The following SGCZ variants were observed in gnomAD, a reference collection of about 807,000 sequenced individuals.
SGCZ encodes zeta-sarcoglycan.
In SGCZ, 40 loss-of-function variants were observed where a neutral mutation model predicts 41.3. That is an observed-to-expected ratio of 0.97 (90% confidence interval 0.75 to 1.26). The LOEUF (loss-of-function observed/expected upper bound fraction) is 1.26, where lower values mean the gene tolerates loss of function less well. Among genes scored for constraint, SGCZ ranks in the 50% most tolerant of loss-of-function variants. The pLI is 0.00. For missense variants in SGCZ, 552 were observed against 369.8 expected (o/e 1.49, Z -4.04); for synonymous variants, 206 against 137.5 (o/e 1.50, Z -3.49).
chr8:14,356,783 A>T (rs149840535), intron 2 of SGCZ, among the ~76,000 whole-genome samples: 2 of 152,214 alleles, frequency 1.3e-5, no homozygotes, highest in African/African-American at 2.4e-5. Flanking sequence ...ATTGCAAATA[A>T]TACTAGGTAG....
intron 2 of SGCZ, among the ~76,000 whole-genome samples, chr8:14,403,273 C>A (rs1008200299): frequency 2.0e-5 from 3 of 150,212 alleles, no homozygotes; most frequent in Non-Finnish European, 2.9e-5. Context: ...TAATTGAATA[C>A]CCTTTATTTC....
intron 2 of SGCZ, among the ~76,000 whole-genome samples, chr8:14,497,782 G>A (rs188133878): frequency 1.5e-3 from 227 of 152,132 alleles, no homozygotes; most frequent in African/African-American, 5.3e-3. Context: ...ATTGGGGAAC[G>A]CATTTCAGCA....
At chr8:14,115,975 C>T (rs1358741858) in intron 5 of SGCZ, among the ~76,000 whole-genome samples, 1 of 151,990 alleles carries the variant, frequency 6.6e-6, no homozygotes, top group Non-Finnish European at 1.5e-5. Flanking sequence ...CGACCATTAC[C>T]AAATGGAATG....
chr8:15,043,154 G>A lies in SGCZ; in HGVS notation c.39+194431C>T, dbSNP rs542004111. Among the ~76,000 whole-genome samples, 7 of 152,252 alleles carry A rather than the reference G, an allele frequency of 4.6e-5. No homozygotes were observed. In the South Asian group the frequency reaches 1.5e-3, roughly 32 times the overall value. ...AGTCCTAAGGGGTATCTCTATTAAGGAAGACAAGGATGTTGTTTGATTTCA... is the reference window on the plus strand; with the variant it reads ...AGTCCTAAGGGGTATCTCTATTAAGAAAGACAAGGATGTTGTTTGATTTCA... On this transcript the variant is annotated intron_variant, in intron 1 of 7. Coordinates refer to ENST00000382080, the MANE Select transcript of SGCZ (RefSeq NM_139167.4).
intron 1 of SGCZ, among the ~76,000 whole-genome samples, chr8:14,835,461 A>G (rs1220454121): frequency 6.6e-6 from 1 of 152,180 alleles, no homozygotes; most frequent in Non-Finnish European, 1.5e-5. Flanking sequence ...ACTTGATACT[A>G]AACTGTGTTT....
At chr8:14,343,124 C>T (rs888849498) in intron 2 of SGCZ, among the ~76,000 whole-genome samples, 7 of 152,232 alleles carry the variant, frequency 4.6e-5, no homozygotes, top group Admixed American at 1.3e-4. Context: ...GGTTTGGACA[C>T]CTCTGCCTAA....
intron 5 of SGCZ, among the ~76,000 whole-genome samples, chr8:14,153,315 C>A (rs1350876305): frequency 6.6e-6 from 1 of 152,118 alleles, no homozygotes; most frequent in Non-Finnish European, 1.5e-5. Flanking sequence ...TGAACACGAA[C>A]CTCGGTCTGT....
rs573704141 is a variant in SGCZ, at chr8:15,072,546, C to T, written c.39+165039G>A. 7.2e-5 allele frequency among the ~76,000 whole-genome samples: 11 copies of T among 152,292 alleles called. No homozygotes were observed. The South Asian group carries it at 1.9e-3, about 26-fold the overall frequency. On this transcript the variant is annotated intron_variant, in intron 1 of 7. Transcript: ENST00000382080. ...TGACCTGTCCTATAACCTATTGCCA[C>T]ATATCAATGTTGTTGCTTTTCTAGC...
intron 2 of SGCZ, among the ~76,000 whole-genome samples, chr8:14,378,136 A>T (rs1370987477): frequency 2.0e-5 from 3 of 150,362 alleles, no homozygotes; most frequent in Non-Finnish European, 1.5e-5. Context: ...ACTAGTTTAC[A>T]GTCCCACCAA....
At chr8:15,083,307 G>A (rs1315917531) in intron 1 of SGCZ, among the ~76,000 whole-genome samples, 1 of 152,088 alleles carries the variant, frequency 6.6e-6, no homozygotes, top group African/African-American at 2.4e-5. Context: ...TGTAGAAATA[G>A]CATATAAACA....
chr8:14,652,848 G>T (rs941018413), intron 1 of SGCZ, among the ~76,000 whole-genome samples: 13 of 152,016 alleles, frequency 8.6e-5, no homozygotes, highest in Non-Finnish European at 1.6e-4. Context: ...ATGAATTTGG[G>T]TGGCCATTGG....
chr8:14,441,449 CG>C (rs1800261941), intron 2 of SGCZ, among the ~76,000 whole-genome samples: 1 of 152,118 alleles, frequency 6.6e-6, no homozygotes, highest in Non-Finnish European at 1.5e-5. Flanking sequence ...GTGGCACGCA[CG>C]GGTAATCCCA....
At chr8:14,852,049 T>C (rs1414462199) in intron 1 of SGCZ, among the ~76,000 whole-genome samples, 1 of 152,190 alleles carries the variant, frequency 6.6e-6, no homozygotes, top group Non-Finnish European at 1.5e-5. Flanking sequence ...AGGTTAAAGA[T>C]TCCATTGTTT....
chr8:14,788,763 G>A (rs779718951), intron 1 of SGCZ, among the ~76,000 whole-genome samples: 1 of 152,056 alleles, frequency 6.6e-6, no homozygotes, highest in Non-Finnish European at 1.5e-5. Context: ...GAAATAAAGC[G>A]CTAGCTTCCT....
intron 1 of SGCZ, among the ~76,000 whole-genome samples, chr8:14,604,724 T>C (rs1805694773): frequency 6.6e-6 from 1 of 152,122 alleles, no homozygotes; most frequent in Admixed American, 6.5e-5. Context: ...TTTTAAAAAA[T>C]AGCCAGAGAG....
chr8:14,238,369 G>A (rs1192309941), intron 3 of SGCZ, among the ~76,000 whole-genome samples: 1 of 152,192 alleles, frequency 6.6e-6, no homozygotes, highest in East Asian at 1.9e-4. Flanking sequence ...AAAATCTTCA[G>A]AGTAAAATTG....
At chr8:14,220,491 G>A (rs1435773878) in intron 4 of SGCZ, among the ~76,000 whole-genome samples, 2 of 152,144 alleles carry the variant, frequency 1.3e-5, no homozygotes, top group Non-Finnish European at 2.9e-5. Context: ...GATCTTAGGT[G>A]CACTGCTGCC....
chr8:14,858,231 A>G (rs1001390166), intron 1 of SGCZ, among the ~76,000 whole-genome samples: 3 of 151,846 alleles, frequency 2.0e-5, no homozygotes. Context: ...ATTAATGAGA[A>G]ATTAAGATAA....
intron 1 of SGCZ, among the ~76,000 whole-genome samples, chr8:14,887,483 G>C (rs1346810310): frequency 6.6e-6 from 1 of 152,082 alleles, no homozygotes; most frequent in Admixed American, 6.6e-5. Flanking sequence ...GCATTAATTT[G>C]ATTACTGGTA....
Sources: allele counts gnomAD v4.1 joint callset (sites outside exome capture counted in the v4.1 genomes callset), GRCh38; gene constraint gnomAD v4.1.1; transcripts MANE v1.5; gene names NCBI Gene and HGNC (gene_info 2026-07-23, HGNC 2026-07-21).